The following TEN1 variants were observed in gnomAD, a reference collection of about 807,000 sequenced individuals.
TEN1 encodes the protein CST complex subunit TEN1.
In TEN1, 6 loss-of-function variants were observed where a neutral mutation model predicts 9.3. The observed-to-expected ratio is 0.65, with a 90% CI of 0.35 to 1.27. The LOEUF is 1.27. TEN1 is among the 50% of genes most tolerant of loss of function. The pLI is 0.03. For missense variants in TEN1, 149 were observed against 158.2 expected, an observed-to-expected ratio of 0.94 and a Z score of 0.31; for synonymous variants, 65 against 65.6, an observed-to-expected ratio of 0.99 and a Z score of 0.04.
chr17:75,989,714 T>C (rs762124299), intron 2 of TEN1, among the ~76,000 whole-genome samples: 3 of 150,476 alleles, frequency 2.0e-5, no homozygotes, highest in Non-Finnish European at 4.4e-5. Context: ...TGCCTGGCTT[T>C]ATTGATTTTC....
chr17:75,997,331 C>G (rs1679148185), intron 3 of TEN1, among the ~76,000 whole-genome samples: 1 of 152,108 alleles, frequency 6.6e-6, no homozygotes. Flanking sequence ...GCCTAGAAAT[C>G]CTTCCTGTGT....
rs1016030366 is a variant in TEN1 at position 75,979,296 on chromosome 17, C to G, written c.-222C>G. 15 of 655,624 alleles carry G rather than the reference C, an allele frequency of 2.3e-5. No homozygotes were observed. In the East Asian group the frequency reaches 3.8e-4, roughly 17 times the overall value. 40.6% of individuals were successfully genotyped at this position (655,624 alleles called of 1,614,324 possible). On this transcript the variant is annotated 5_prime_UTR_variant, in exon 1 of 4. Transcript: ENST00000397640. Reference sequence around the variant, plus strand: ...AGAGGGGGCGATGTCCGCGTCGTGGCTGGGGCCGGTCGCGGGGCAGACTAA... The same window carrying G: ...AGAGGGGGCGATGTCCGCGTCGTGGGTGGGGCCGGTCGCGGGGCAGACTAA...
intron 2 of TEN1, among the ~76,000 whole-genome samples, chr17:75,988,561 CAA>C (rs1189354019): frequency 1.4e-4 from 4 of 28,984 alleles, no homozygotes; most frequent in African/African-American, 3.2e-4. Context: ...GATCCTGCCT[CAA>C]AAAAAAAAAA....
chr17:75,999,190 AC>A (rs2066236890), intron 3 of TEN1, among the ~76,000 whole-genome samples: 1 of 152,064 alleles, frequency 6.6e-6, no homozygotes, highest in Admixed American at 6.6e-5. Flanking sequence ...TACAAGAAAT[AC>A]AAAAATTAGC....
intron 2 of TEN1, among the ~76,000 whole-genome samples, chr17:75,989,920 A>AG (rs1219909959): frequency 1.3e-5 from 2 of 151,308 alleles, no homozygotes; most frequent in African/African-American, 4.9e-5. Context: ...TAAAAAAAAA[A>AG]AAAAATTATA....
intron 2 of TEN1, 128 bp downstream of exon 2, chr17:75,986,412 A>G: frequency 1.0e-6 from 1 of 962,986 alleles, no homozygotes; most frequent in South Asian, 2.0e-5. Flanking sequence ...ACTAAAAAAA[A>G]AATTAGTTGC....
At chr17:75,987,103 C>T (rs980539251) in intron 2 of TEN1, among the ~76,000 whole-genome samples, 1 of 152,180 alleles carries the variant, frequency 6.6e-6, no homozygotes, top group African/African-American at 2.4e-5. Context: ...GGATTACAGG[C>T]GTAAGCCACT....
At chr17:75,988,035 T>A (rs1300841792) in intron 2 of TEN1, among the ~76,000 whole-genome samples, 1 of 150,132 alleles carries the variant, frequency 6.7e-6, no homozygotes, top group Non-Finnish European at 1.5e-5. Flanking sequence ...AGGTCAGAAG[T>A]TCAAAACCAG....
chr17:75,991,424 C>T lies in TEN1; in HGVS notation c.93-42C>T, dbSNP rs1307791264. 4.5e-6 allele frequency: 7 copies of T among 1,546,406 alleles called. No homozygotes were observed. The East Asian group carries it at 1.7e-4, about 38-fold the overall frequency. The stretch of plus-strand genomic sequence containing the variant: ...AAACCTTTTGAGCGTGGTGGTGATT[C>T]TACGTATGGATGGAAATTATTGCAT... On this transcript the variant is annotated intron_variant, in intron 2 of 3. Coordinates refer to ENST00000397640, the MANE Select transcript of TEN1 (RefSeq NM_001113324.3).
chr17:75,983,091 G>A (rs1167507069), intron 1 of TEN1, among the ~76,000 whole-genome samples: 2 of 151,088 alleles, frequency 1.3e-5, no homozygotes, highest in Admixed American at 6.6e-5. Context: ...GACCAGCCTG[G>A]CCAACATGGT....
chr17:75,986,509 C>T (rs1453414201), intron 2 of TEN1, among the ~76,000 whole-genome samples: 1 of 151,914 alleles, frequency 6.6e-6, no homozygotes, highest in South Asian at 2.1e-4. Flanking sequence ...TGAGACCAGC[C>T]TGACCAACAT....
intron 1 of TEN1, among the ~76,000 whole-genome samples, chr17:75,980,904 G>A (rs1315487613): frequency 6.6e-6 from 1 of 152,178 alleles, no homozygotes; most frequent in African/African-American, 2.4e-5. Context: ...CAGAGAGGGT[G>A]TCTAGTTTAT....
At chr17:75,997,465 C>T (rs12945114) in intron 3 of TEN1, among the ~76,000 whole-genome samples, 122,208 of 151,936 alleles carry the variant, frequency 0.8, 49,767 homozygotes, top group African/African-American at 0.93. Context: ...CAGCTAGAAT[C>T]GAGGCCACAG....
At chr17:75,987,131 A>G (rs1015230204) in intron 2 of TEN1, among the ~76,000 whole-genome samples, 9 of 151,956 alleles carry the variant, frequency 5.9e-5, no homozygotes, top group Non-Finnish European at 1.2e-4. Context: ...GCCTCCCCCA[A>G]ATTTAAAATA....
chr17:75,988,101 G>A (rs898273543), intron 2 of TEN1, among the ~76,000 whole-genome samples: 3 of 149,964 alleles, frequency 2.0e-5, no homozygotes, highest in Non-Finnish European at 4.4e-5. Flanking sequence ...TTAGCCAGGT[G>A]TGGTGGCAGG....
At chr17:75,995,539 C>T (rs1390902358) in intron 3 of TEN1, among the ~76,000 whole-genome samples, 1 of 152,210 alleles carries the variant, frequency 6.6e-6, no homozygotes, top group Non-Finnish European at 1.5e-5. Flanking sequence ...GCTAAGAAGA[C>T]CAACAGGTGA....
intron 1 of TEN1, 46 bp from the exon 2 acceptor site, chr17:75,986,141 G>A (rs760451731): frequency 2.0e-5 from 28 of 1,418,580 alleles, no homozygotes; most frequent in African/African-American, 1.0e-4. Flanking sequence ...TAGTCTATCC[G>A]GTTTATCAGG....
chr17:75,991,149 C>CAAAAA (rs71361699), intron 2 of TEN1, among the ~76,000 whole-genome samples: 6 of 70,180 alleles, frequency 8.5e-5, no homozygotes, highest in African/African-American at 3.2e-4. Flanking sequence ...GACTCCATCT[C>CAAAAA]AAAAAAAAAA....
chr17:75,994,814 G>A (rs896544261), intron 3 of TEN1, among the ~76,000 whole-genome samples: 2 of 152,200 alleles, frequency 1.3e-5, no homozygotes, highest in East Asian at 1.9e-4. Context: ...CGTCATTCAC[G>A]GAGGGAACTC....
Sources: gnomAD v4.1 joint callset for allele counts (sites outside exome capture counted in the v4.1 genomes callset) on GRCh38, gnomAD v4.1.1 for gene constraint, MANE v1.5 for transcripts, NCBI Gene and HGNC (gene_info 2026-07-23, HGNC 2026-07-21) for gene names.